Variants in IDE observed in about 807,000 individuals in gnomAD.
IDE encodes the protein insulin degrading enzyme, also known as insulin-degrading enzyme.
A neutral mutation model predicts 133.2 loss-of-function variants in IDE; 58 were observed. The ratio of observed to expected loss-of-function variants is 0.44; its 90% CI spans 0.35 to 0.54. The LOEUF is 0.54. Among genes scored for constraint, IDE ranks in the 20% least tolerant of loss-of-function variants. IDE has a pLI of 0.00. For missense variants in IDE, 981 were observed against 1,234.0 expected (o/e 0.79, Z 3.07); for synonymous variants, 396 against 421.3 (o/e 0.94, Z 0.73).
chr10:92,460,871 C>T (rs960920209), intron 22 of IDE, among the ~76,000 whole-genome samples: 7 of 152,294 alleles, frequency 4.6e-5, no homozygotes, highest in East Asian at 1.9e-4. Flanking sequence ...GGCACAGTTT[C>T]GCTCTGTCAC....
chr10:92,520,621 G>T (rs975640827), intron 4 of IDE, among the ~76,000 whole-genome samples: 2 of 152,164 alleles, frequency 1.3e-5, no homozygotes, highest in Non-Finnish European at 2.9e-5. Flanking sequence ...TCTTGCTATA[G>T]CAATCTTCTA....
chr10:92,551,532 C>T (rs1003570752), intron 1 of IDE, among the ~76,000 whole-genome samples: 1 of 142,266 alleles, frequency 7.0e-6, no homozygotes, highest in African/African-American at 2.6e-5. Context: ...TGCACCACTG[C>T]ACTCCAGCCT....
chr10:92,507,465 TAGGAAAAA>T (rs1848356564), intron 9 of IDE, 102 bp downstream of exon 9: 5 of 718,410 alleles, frequency 7.0e-6, no homozygotes, highest in Non-Finnish European at 9.9e-6. Context: ...AGACTTCAGT[TAGGAAAAA>T]AACTTTAAAA....
intron 1 of IDE, among the ~76,000 whole-genome samples, chr10:92,565,720 A>G (rs1450640828): frequency 6.6e-6 from 1 of 152,158 alleles, no homozygotes; most frequent in Admixed American, 6.6e-5. Context: ...AGTTCCAGTC[A>G]TATTTCAAAT....
At chr10:92,531,057 A>G (rs1450177860) in intron 4 of IDE, among the ~76,000 whole-genome samples, 1 of 152,190 alleles carries the variant, frequency 6.6e-6, no homozygotes, top group Non-Finnish European at 1.5e-5. Flanking sequence ...GTTAACAATG[A>G]TTACCTCTGG....
intron 11 of IDE, 145 bp from the exon 12 acceptor site, chr10:92,490,740 C>T: frequency 1.6e-6 from 1 of 609,740 alleles, no homozygotes; most frequent in Non-Finnish European, 2.9e-6. Flanking sequence ...AGGCTTAGTC[C>T]AAACAAGCAA....
chr10:92,487,521 T>G (rs886720350), intron 12 of IDE, among the ~76,000 whole-genome samples: 1 of 152,136 alleles, frequency 6.6e-6, no homozygotes, highest in Non-Finnish European at 1.5e-5. Context: ...TAGCAAAGAT[T>G]TTGCACTCAT....
Position 92,572,174 on chromosome 10 carries a change from C to T in IDE, c.98+1748G>A, listed in dbSNP as rs75636325. Among the ~76,000 whole-genome samples, 1,155 of 152,280 alleles carry T rather than the reference C, an allele frequency of 7.6e-3. 16 individuals carry two copies. The highest frequency in any genetic ancestry group is 0.027 in the African/African-American group (1,104 of 41,564). On this transcript the variant is annotated intron_variant, in intron 1 of 24. Transcript: ENST00000265986. ...AGAACATACAAACCACTTAGTTATACAAAACTTAAAATTGGTGCTTTCTTT... is the reference window on the plus strand; with the variant it reads ...AGAACATACAAACCACTTAGTTATATAAAACTTAAAATTGGTGCTTTCTTT...
At chr10:92,554,891 A>G (rs1198115507) in intron 1 of IDE, 1 of 152,166 alleles carries the variant, frequency 6.6e-6, no homozygotes, top group Non-Finnish European at 1.5e-5. Flanking sequence ...CTCTTCACAG[A>G]TAGCTTTCAG....
In IDE at chr10:92,533,715, CA is replaced by C. The variant is rs35455474; in HGVS notation, c.491+862del. On this transcript the variant is annotated intron_variant, in intron 3 of 24. Transcript: ENST00000265986. ...ATTGTTAGCTGTATAAAAAATTGACCAAAAAAAAAAAAAAAAAGCTGACCAA... is the reference window on the plus strand; with the variant it reads ...ATTGTTAGCTGTATAAAAAATTGACCAAAAAAAAAAAAAAAAGCTGACCAA... Among the ~76,000 whole-genome samples the C allele has an allele frequency of 1.8e-3, 209 of 119,324 alleles. No homozygotes were observed. The Middle Eastern group carries it at 0.023, about 13-fold the overall frequency. The allele number at this position is 119,324 out of a possible 152,430, so 78.3% of individuals were successfully genotyped here.
intron 1 of IDE, among the ~76,000 whole-genome samples, chr10:92,551,333 G>T (rs1842768073): frequency 6.6e-6 from 1 of 152,138 alleles, no homozygotes; most frequent in African/African-American, 2.4e-5. Flanking sequence ...ACTTTGGGAG[G>T]CTAAGGCAGG....
At chr10:92,554,585 T>C (rs139829558) in intron 1 of IDE, 5,074 of 148,816 alleles carry the variant, frequency 0.034, 133 homozygotes, top group Admixed American at 0.061. Context: ...CAGTGGCTCA[T>C]GCCTGTAATC....
At chr10:92,543,353 C>G (rs1842396291) in intron 1 of IDE, among the ~76,000 whole-genome samples, 1 of 152,116 alleles carries the variant, frequency 6.6e-6, no homozygotes, top group Non-Finnish European at 1.5e-5. Flanking sequence ...AAGGATGCCT[C>G]AACATATTAA....
At position 92,490,532 on chromosome 10, in the gene IDE, G is replaced by A; in HGVS notation, c.1494C>T (p.Thr498=). Residue 498 remains threonine, a synonymous_variant, in exon 12 of 25, where the codon ACC becomes ACT. Coordinates refer to ENST00000265986, the MANE Select transcript of IDE (RefSeq NM_004969.4). ...KTDRTEEWYG[T]QYKQEAIPDE... Reference sequence around the variant, plus strand: ...CCGGTATAGCTTCTTGTTTGTACTGGGTTCCATACCACTCTTCTGTGCGAT... The same window carrying A: ...CCGGTATAGCTTCTTGTTTGTACTGAGTTCCATACCACTCTTCTGTGCGAT... 1.2e-6 allele frequency: 2 copies of A among 1,612,226 alleles called. No homozygotes were observed. The highest frequency in any genetic ancestry group is 1.7e-6 in the Non-Finnish European group (2 of 1,178,442).
At chr10:92,504,382 T>A (rs1187834199) in intron 11 of IDE, among the ~76,000 whole-genome samples, 1 of 152,198 alleles carries the variant, frequency 6.6e-6, no homozygotes, top group Non-Finnish European at 1.5e-5. Context: ...TAATCTTTAC[T>A]GTGGCTTAAG....
At chr10:92,498,935 T>C (rs956729935) in intron 11 of IDE, among the ~76,000 whole-genome samples, 3 of 152,192 alleles carry the variant, frequency 2.0e-5, no homozygotes, top group Admixed American at 1.3e-4. Context: ...GTAGAAGGTA[T>C]ATGATAAAAT....
chr10:92,463,188 A>T (rs905751218), intron 21 of IDE, among the ~76,000 whole-genome samples: 18 of 152,256 alleles, frequency 1.2e-4, no homozygotes, highest in Admixed American at 1.3e-4. Flanking sequence ...CTTCTAGTAC[A>T]GCTTAGCACA....
chr10:92,475,665 C>T (rs1029808480), intron 16 of IDE, among the ~76,000 whole-genome samples: 2 of 152,072 alleles, frequency 1.3e-5, no homozygotes, highest in African/African-American at 4.8e-5. Context: ...GAGCTCTTGG[C>T]ACCCACAGAG....
chr10:92,460,140 G>A (rs1379480610), intron 22 of IDE, among the ~76,000 whole-genome samples: 2 of 152,098 alleles, frequency 1.3e-5, no homozygotes, highest in African/African-American at 2.4e-5. Context: ...CCCAGCCGGT[G>A]TGAATCTCTT....
Sources: gnomAD v4.1 joint callset for allele counts (sites outside exome capture counted in the v4.1 genomes callset) on GRCh38, gnomAD v4.1.1 for gene constraint, MANE v1.5 for transcripts, NCBI Gene and HGNC (gene_info 2026-07-23, HGNC 2026-07-21) for gene names.